TENM3: variants seen among roughly 807,000 people sequenced by gnomAD.
TENM3 encodes teneurin transmembrane protein 3.
In TENM3, 63 loss-of-function variants were observed where a neutral mutation model predicts 255.1. The ratio of observed to expected loss-of-function variants is 0.25; its 90% CI spans 0.20 to 0.30. The LOEUF (loss-of-function observed/expected upper bound fraction) is 0.30, where lower values mean the gene tolerates loss of function less well. Among genes scored for constraint, TENM3 ranks in the 10% least tolerant of loss-of-function variants. TENM3 has a pLI of 1.00. For missense variants in TENM3, 2,929 were observed against 3,461.1 expected (o/e 0.85, Z 3.86); for synonymous variants, 1,306 against 1,322.3 (o/e 0.99, Z 0.27).
chr4:182,514,238 A>G (rs1395596472), intron 3 of TENM3, among the ~76,000 whole-genome samples: 1 of 152,226 alleles, frequency 6.6e-6, no homozygotes, highest in Admixed American at 6.5e-5. Context: ...AATGGGGATG[A>G]GGAGAAACAT....
chr4:182,164,456 C>T (rs567222159), intron 1 of TENM3, among the ~76,000 whole-genome samples: 7 of 152,298 alleles, frequency 4.6e-5, no homozygotes, highest in African/African-American at 1.7e-4. Flanking sequence ...TCCAAGCTCC[C>T]TTGGCATCTG....
chr4:182,621,417 A>G (rs1750128612), intron 4 of TENM3, among the ~76,000 whole-genome samples: 1 of 150,646 alleles, frequency 6.6e-6, no homozygotes, highest in African/African-American at 2.4e-5. Flanking sequence ...CTCTGTGACT[A>G]ATCTGAGTAC....
chr4:181,782,783 C>T, the TENM3 span, among the ~76,000 whole-genome samples: 1 of 152,202 alleles, frequency 6.6e-6, no homozygotes, highest in African/African-American at 2.4e-5. Flanking sequence ...CCTCAACACA[C>T]TGCTTTAAAT....
At chr4:182,496,065 C>T (rs1735746530) in intron 3 of TENM3, among the ~76,000 whole-genome samples, 1 of 152,104 alleles carries the variant, frequency 6.6e-6, no homozygotes, top group Admixed American at 6.6e-5. Flanking sequence ...TATAGTAGCC[C>T]TTTGAAAAGT....
chr4:181,777,793 C>T, the TENM3 span, among the ~76,000 whole-genome samples: 28 of 152,102 alleles, frequency 1.8e-4, no homozygotes, highest in Middle Eastern at 3.4e-3. Flanking sequence ...CTCCTTCTTC[C>T]CACTTTTGAA....
chr4:181,478,314 C>A, the TENM3 span, among the ~76,000 whole-genome samples: 1 of 152,126 alleles, frequency 6.6e-6, no homozygotes, highest in African/African-American at 2.4e-5. Context: ...CTATAAAAAC[C>A]AGATTTAAAG....
the TENM3 span, among the ~76,000 whole-genome samples, chr4:181,914,073 T>G: frequency 6.6e-6 from 1 of 152,210 alleles, no homozygotes; most frequent in African/African-American, 2.4e-5. Flanking sequence ...TCAACCATCC[T>G]TCTTTCTACC....
At chr4:181,547,292 ATAG>A in the TENM3 span, among the ~76,000 whole-genome samples, 2 of 152,196 alleles carry the variant, frequency 1.3e-5, no homozygotes, top group Non-Finnish European at 2.9e-5. Context: ...AGTTGAAAAA[ATAG>A]TAGTAGGTTT....
At chr4:181,766,610 C>T in the TENM3 span, among the ~76,000 whole-genome samples, 15 of 151,742 alleles carry the variant, frequency 9.9e-5, no homozygotes, top group African/African-American at 3.4e-4. Context: ...TGTAGTGTAC[C>T]ACCAAAAATG....
At chr4:182,192,673 C>CT (rs770607366) in intron 1 of TENM3, among the ~76,000 whole-genome samples, 1 of 152,108 alleles carries the variant, frequency 6.6e-6, no homozygotes, top group Non-Finnish European at 1.5e-5. Flanking sequence ...CATTTATTCC[C>CT]TAGGGTGTTT....
chr4:181,632,906 A>G, the TENM3 span, among the ~76,000 whole-genome samples: 8 of 152,200 alleles, frequency 5.3e-5, no homozygotes, highest in Admixed American at 2.0e-4. Flanking sequence ...GTAGTCCTAT[A>G]ACCAATTAAA....
the TENM3 span, among the ~76,000 whole-genome samples, chr4:181,941,594 T>C: frequency 6.6e-6 from 1 of 152,236 alleles, no homozygotes. Flanking sequence ...GAAGTTATTT[T>C]CTCATTTCTT....
At chr4:181,737,079 A>T in the TENM3 span, among the ~76,000 whole-genome samples, 1 of 152,160 alleles carries the variant, frequency 6.6e-6, no homozygotes, top group East Asian at 1.9e-4. Context: ...GTCTTCCATC[A>T]GCTACCGGTA....
chr4:181,857,185 T>C, the TENM3 span, among the ~76,000 whole-genome samples: 1 of 152,068 alleles, frequency 6.6e-6, no homozygotes, highest in Non-Finnish European at 1.5e-5. Flanking sequence ...TGAGAGGCAC[T>C]GAATTTAGAT....
At chr4:182,502,850 G>A (rs749879669) in intron 3 of TENM3, among the ~76,000 whole-genome samples, 8 of 150,524 alleles carry the variant, frequency 5.3e-5, no homozygotes, top group Non-Finnish European at 1.0e-4. Context: ...TAGCTCTGTG[G>A]GCATGGGTTG....
chr4:182,795,405 C>A (rs1407928537), intron 26 of TENM3, among the ~76,000 whole-genome samples: 1 of 152,142 alleles, frequency 6.6e-6, no homozygotes, highest in Non-Finnish European at 1.5e-5. Flanking sequence ...CACCCCCAAA[C>A]TCATATACAC....
At chr4:182,798,538 C>T (rs1433836831) in intron 27 of TENM3, among the ~76,000 whole-genome samples, 4 of 152,218 alleles carry the variant, frequency 2.6e-5, no homozygotes, top group African/African-American at 9.7e-5. Flanking sequence ...CCACATTTCT[C>T]AGAATGCCTC....
At chr4:182,385,635 G>A (rs1767868545) in intron 3 of TENM3, among the ~76,000 whole-genome samples, 1 of 150,276 alleles carries the variant, frequency 6.7e-6, no homozygotes, top group South Asian at 2.1e-4. Context: ...ATTTGATAGA[G>A]GCTTTGTTAA....
In TENM3 at chr4:182,570,816, C is replaced by T. The variant is rs558323738; in HGVS notation, c.512-30108C>T. Among the ~76,000 whole-genome samples, 3 of 146,992 alleles carry T rather than the reference C, an allele frequency of 2.0e-5. No individual in the cohort carries two copies. The East Asian group carries it at 6.1e-4, about 30-fold the overall frequency. On this transcript the variant is annotated intron_variant, in intron 3 of 27. Coordinates refer to ENST00000511685, the MANE Select transcript of TENM3 (RefSeq NM_001080477.4). ...CTGCAATCCAGCCTGGGTGACAGTGCGAGACTCTGTGTCAAAAAAAAAAAC... is the reference window on the plus strand; with the variant it reads ...CTGCAATCCAGCCTGGGTGACAGTGTGAGACTCTGTGTCAAAAAAAAAAAC...
Sources: gnomAD v4.1 joint callset for allele counts (sites outside exome capture counted in the v4.1 genomes callset) on GRCh38, gnomAD v4.1.1 for gene constraint, MANE v1.5 for transcripts, NCBI Gene and HGNC (gene_info 2026-07-23, HGNC 2026-07-21) for gene names.